The following CUX1 variants were observed in gnomAD, a reference collection of about 807,000 sequenced individuals.
CUX1 encodes the protein protein CASP.
In CUX1, 31 loss-of-function variants were observed where a neutral mutation model predicts 158.8. The ratio of observed to expected loss-of-function variants is 0.20; its 90% CI spans 0.15 to 0.26. CUX1 has a LOEUF of 0.26. Among genes scored for constraint, CUX1 ranks in the 10% least tolerant of loss-of-function variants. The pLI is 1.00. For missense variants in CUX1, 1,589 were observed against 2,014.6 expected, an observed-to-expected ratio of 0.79 and a Z score of 4.04; for synonymous variants, 879 against 862.1, an observed-to-expected ratio of 1.02 and a Z score of -0.34.
chr7:102,127,120 A>C (rs1014104174), intron 8 of CUX1, among the ~76,000 whole-genome samples: 1 of 152,234 alleles, frequency 6.6e-6, no homozygotes, highest in South Asian at 2.1e-4. Flanking sequence ...CCTGCAGCGC[A>C]TCTCCTGCTG....
At chr7:101,891,367 C>G (rs142206090) in intron 1 of CUX1, among the ~76,000 whole-genome samples, 60 of 152,262 alleles carry the variant, frequency 3.9e-4, no homozygotes, top group African/African-American at 1.3e-3. Context: ...CACAGGTGCT[C>G]ACCACCAGGC....
intron 1 of CUX1, among the ~76,000 whole-genome samples, chr7:101,847,958 T>G (rs563784101): frequency 7.0e-6 from 1 of 142,968 alleles, no homozygotes; most frequent in South Asian, 2.2e-4. Flanking sequence ...CTCAGGAGGC[T>G]GAGGCGGGAG....
intron 2 of CUX1, among the ~76,000 whole-genome samples, chr7:101,956,791 T>C (rs1809834015): frequency 6.6e-6 from 1 of 152,100 alleles, no homozygotes; most frequent in Non-Finnish European, 1.5e-5. Context: ...CTACACAAAA[T>C]ACAAATTGTT....
Position 102,028,120 on chromosome 7 carries a change from C to G in CUX1, c.164C>G (p.Pro55Arg). The stretch of plus-strand genomic sequence containing the variant: ...CAGGATTTGCGCAAGCAGGTAGCGC[C>G]GCTGCTGAAGAGTTTCCAAGGAGAG... ...TPEDLRKQVA[P>R]LLKSFQGEID... Residue 55 changes from proline to arginine, a missense_variant, in exon 3 of 24, where the codon CCG becomes CGG. Physicochemically the swap from Pro to Arg is moderately radical, Grantham distance 103 (BLOSUM62 -2). Around this residue, in one of 8 missense-constraint regions of CUX1, gnomAD observed 63 missense variants for 109.2 expected, o/e 0.58. Coordinates refer to ENST00000292535, the MANE Select transcript of CUX1 (RefSeq NM_181552.4). 1 of 1,612,448 alleles carries G rather than the reference C, an allele frequency of 6.2e-7. No homozygotes were observed. The highest frequency in any genetic ancestry group is 8.5e-7 in the Non-Finnish European group (1 of 1,180,032).
chr7:102,169,474 C>T (rs996854400), intron 9 of CUX1, among the ~76,000 whole-genome samples: 9 of 152,220 alleles, frequency 5.9e-5, no homozygotes, highest in African/African-American at 1.4e-4. Flanking sequence ...CATTCGCCAC[C>T]ATCTCCCACC....
At chr7:102,119,390 C>T (rs540238597) in intron 8 of CUX1, among the ~76,000 whole-genome samples, 2 of 152,244 alleles carry the variant, frequency 1.3e-5, no homozygotes, top group Admixed American at 6.5e-5. Context: ...TGGGACAGCA[C>T]GGGCTGACTG....
chr7:101,918,647 C>T (rs1323206297), intron 2 of CUX1, among the ~76,000 whole-genome samples: 1 of 152,252 alleles, frequency 6.6e-6, no homozygotes, highest in Non-Finnish European at 1.5e-5. Context: ...CCTGCCCCGC[C>T]AGCCCTATGC....
Position 102,252,603 on chromosome 7 carries a change from G to A in CUX1, c.*3561G>A. ...GAGGCTCGGGGTAAAATCAGTGTTT[G>A]CATTTAGCCTCTTGACCCGGAGTTC... On this transcript the variant is annotated 3_prime_UTR_variant, in exon 24 of 24. Transcript: ENST00000292535. 1 of 985,450 alleles carries A rather than the reference G, an allele frequency of 1.0e-6. No individual in the cohort carries two copies. The highest frequency in any genetic ancestry group is 1.2e-6 in the Non-Finnish European group (1 of 829,936). 61.0% of individuals were successfully genotyped at this position (985,450 alleles called of 1,614,324 possible).
At chr7:102,145,082 G>A (rs1406250819) in intron 8 of CUX1, among the ~76,000 whole-genome samples, 3 of 106,736 alleles carry the variant, frequency 2.8e-5, no homozygotes, top group Admixed American at 9.9e-5. Flanking sequence ...GCAAGACTCC[G>A]TCTTAAAAAA....
At chr7:102,196,466 C>A (rs1794806726) in intron 14 of CUX1, among the ~76,000 whole-genome samples, 168 bp from the exon 15 acceptor site, 1 of 152,196 alleles carries the variant, frequency 6.6e-6, no homozygotes, top group African/African-American at 2.4e-5. Context: ...GGCTGACTTA[C>A]AAATTTAATC....
At chr7:101,821,424 C>T (rs1258749729) in intron 1 of CUX1, among the ~76,000 whole-genome samples, 20 of 151,742 alleles carry the variant, frequency 1.3e-4, no homozygotes, top group South Asian at 4.2e-4. Context: ...CTGCAAACTC[C>T]GCCTCCCGGG....
chr7:101,817,047 G>A (rs887110684), upstream of CUX1: 1 of 984,572 alleles, frequency 1.0e-6, no homozygotes, highest in African/African-American at 1.7e-5. The surrounding 1 kb of genome is among the most constrained non-coding windows in gnomAD (Gnocchi z 4.1). Context: ...CCCCGCGGGG[G>A]CTCTTTGGGG....
chr7:102,185,301 TA>T (rs1279214913), intron 11 of CUX1, among the ~76,000 whole-genome samples: 5 of 152,206 alleles, frequency 3.3e-5, no homozygotes, highest in Admixed American at 6.5e-5. Flanking sequence ...AAGTACCCAA[TA>T]TTTTTTTAAT....
At chr7:102,035,979 C>G (rs764691393) in intron 3 of CUX1, among the ~76,000 whole-genome samples, 4 of 152,118 alleles carry the variant, frequency 2.6e-5, no homozygotes, top group Non-Finnish European at 5.9e-5. Flanking sequence ...TCAAGGTTAT[C>G]TCCTATTTGA....
At chr7:102,203,444 G>A (rs1239199532) in intron 18 of CUX1, among the ~76,000 whole-genome samples, 3 of 152,144 alleles carry the variant, frequency 2.0e-5, no homozygotes, top group Non-Finnish European at 4.4e-5. Flanking sequence ...AATCCCGGTG[G>A]TGTCCGATGG....
intron 3 of CUX1, among the ~76,000 whole-genome samples, chr7:102,057,453 T>TAGAA (rs1824295205): frequency 6.6e-6 from 1 of 152,180 alleles, no homozygotes; most frequent in Non-Finnish European, 1.5e-5. Context: ...CCTTTCCTTC[T>TAGAA]GGAAAGGAGT....
chr7:101,988,569 C>T (rs1277995993), intron 2 of CUX1, among the ~76,000 whole-genome samples: 2 of 152,172 alleles, frequency 1.3e-5, no homozygotes, highest in South Asian at 2.1e-4. Flanking sequence ...TGCCTTTCCA[C>T]CTCTGCCTTC....
At chr7:101,998,988 C>T (rs954943034) in intron 2 of CUX1, among the ~76,000 whole-genome samples, 2 of 152,112 alleles carry the variant, frequency 1.3e-5, no homozygotes, top group Non-Finnish European at 2.9e-5. Flanking sequence ...CCTCCTCGGG[C>T]AGGAGCCTAG....
chr7:102,052,815 C>CT (rs918896650), intron 3 of CUX1, among the ~76,000 whole-genome samples: 2 of 151,882 alleles, frequency 1.3e-5, no homozygotes, highest in African/African-American at 4.8e-5. Flanking sequence ...TTAGTATCAT[C>CT]TTTTTTTTGG....
Sources: gnomAD v4.1 joint callset for allele counts (sites outside exome capture counted in the v4.1 genomes callset) on GRCh38, gnomAD v4.1.1 for gene constraint, gnomAD v4.1.1 regional missense constraint, Gnocchi (gnomAD v3.1) non-coding constraint, MANE v1.5 for transcripts, NCBI Gene and HGNC (gene_info 2026-07-23, HGNC 2026-07-21) for gene names.